WDR7: variants seen among roughly 807,000 people sequenced by gnomAD.
The protein encoded by WDR7 is WD repeat domain 7.
A neutral mutation model predicts 169.4 loss-of-function variants in WDR7; 46 were observed. The observed-to-expected ratio is 0.27, with a 90% CI of 0.21 to 0.35. WDR7 has a LOEUF of 0.35. Ranked by LOEUF, WDR7 falls within the 10% of genes least tolerant of loss-of-function variation. The pLI, the probability that WDR7 is intolerant of heterozygous loss-of-function variation, is 1.00. For missense variants in WDR7, 1,534 were observed against 1,859.3 expected (o/e 0.83, Z 3.22); for synonymous variants, 612 against 666.8 (o/e 0.92, Z 1.27).
At chr18:56,927,073 A>C (rs2046818500) in intron 22 of WDR7, among the ~76,000 whole-genome samples, 1 of 152,052 alleles carries the variant, frequency 6.6e-6, no homozygotes, top group South Asian at 2.1e-4. Context: ...TTAAAATTTC[A>C]GTTCACGTTT....
In WDR7 at chr18:56,982,754, G is replaced by A. The variant is rs530219494; in HGVS notation, c.4164+20225G>A. Among the ~76,000 whole-genome samples, 4 of 152,288 alleles carry A rather than the reference G, an allele frequency of 2.6e-5. No homozygotes were observed. The East Asian group carries it at 7.7e-4, about 29-fold the overall frequency. ...TAATCTGCTAGCATTATGTCCATAG[G>A]AGTACATTCTAAATTATTCTTAACT... On this transcript the variant is annotated intron_variant, in intron 26 of 27. Coordinates refer to ENST00000254442, the MANE Select transcript of WDR7 (RefSeq NM_015285.3).
intron 1 of WDR7, among the ~76,000 whole-genome samples, chr18:56,670,415 C>T (rs1446698838): frequency 1.3e-5 from 2 of 152,150 alleles, no homozygotes; most frequent in Non-Finnish European, 2.9e-5. Context: ...CGCCAACTAG[C>T]TAGAGAAATG....
chr18:56,893,180 T>C (rs1440406295), intron 21 of WDR7, among the ~76,000 whole-genome samples: 1 of 151,768 alleles, frequency 6.6e-6, no homozygotes, highest in Non-Finnish European at 1.5e-5. Context: ...CGGGTCACAT[T>C]GTTTGCTGGT....
At chr18:56,969,445 T>G (rs1261595816) in intron 26 of WDR7, among the ~76,000 whole-genome samples, 1 of 152,214 alleles carries the variant, frequency 6.6e-6, no homozygotes, top group Non-Finnish European at 1.5e-5. Flanking sequence ...CCTATACTCC[T>G]TTCCCAGGTT....
chr18:56,673,223 C>T (rs780222925), intron 2 of WDR7, among the ~76,000 whole-genome samples: 1 of 151,986 alleles, frequency 6.6e-6, no homozygotes, highest in Non-Finnish European at 1.5e-5. Flanking sequence ...CATAACACCA[C>T]AGCGTTTATC....
rs1361262702 is a variant in WDR7 at position 56,681,402 on chromosome 18, AT to A, written c.345+14del. On this transcript the variant is annotated intron_variant, in intron 4 of 27. Coordinates refer to ENST00000254442, the MANE Select transcript of WDR7 (RefSeq NM_015285.3). ...CATACTGGCATACAGGTTAGTTTCT[AT>A]TTCTGTGACTCTAAGTACAAACTAT... 2 of 1,542,046 alleles carry A rather than the reference AT, an allele frequency of 1.3e-6. No individual in the cohort carries two copies. Among genetic ancestry groups the A allele is most frequent in the Non-Finnish European group, 8.7e-7 (1 of 1,145,470 alleles).
chr18:56,815,471 G>T (rs971487855), intron 19 of WDR7, among the ~76,000 whole-genome samples: 1 of 152,178 alleles, frequency 6.6e-6, no homozygotes, highest in Non-Finnish European at 1.5e-5. Flanking sequence ...TTCTTTGCCT[G>T]TCTGCTTTCA....
intron 19 of WDR7, among the ~76,000 whole-genome samples, chr18:56,800,462 A>G (rs1213360194): frequency 1.3e-5 from 2 of 152,050 alleles, no homozygotes; most frequent in Non-Finnish European, 2.9e-5. Context: ...CTTTCTTTAT[A>G]TCTTATATAT....
intron 7 of WDR7, among the ~76,000 whole-genome samples, chr18:56,690,882 G>A (rs1050160580): frequency 6.6e-6 from 1 of 152,048 alleles, no homozygotes; most frequent in African/African-American, 2.4e-5. Flanking sequence ...TATATTTGAG[G>A]TTGATTCCCT....
chr18:57,016,725 A>G (rs1328575015), intron 26 of WDR7, among the ~76,000 whole-genome samples: 1 of 152,190 alleles, frequency 6.6e-6, no homozygotes, highest in African/African-American at 2.4e-5. Context: ...TACATTAAGT[A>G]TTGTTCATTA....
chr18:56,853,594 G>C (rs1472878473), intron 20 of WDR7, among the ~76,000 whole-genome samples: 1 of 152,080 alleles, frequency 6.6e-6, no homozygotes, highest in African/African-American at 2.4e-5. Context: ...CCCAAACCAA[G>C]AACTAGAATA....
chr18:56,806,023 A>G (rs575322203), intron 19 of WDR7, among the ~76,000 whole-genome samples: 1 of 152,238 alleles, frequency 6.6e-6, no homozygotes, highest in Non-Finnish European at 1.5e-5. Flanking sequence ...ATTCTTATAC[A>G]TATTTCAAGA....
Position 56,951,509 on chromosome 18 carries a change from T to G in WDR7, c.4065-10921T>G, listed in dbSNP as rs1182717728. ...TCTAAGGTTATCTTACAGTTTCTTC[T>G]CAGCAACCCTAAGCATTTGTGTTTA... On this transcript the variant is annotated intron_variant, in intron 25 of 27. Transcript: ENST00000254442. Among the ~76,000 whole-genome samples the G allele has an allele frequency of 4.6e-5, 7 of 152,212 alleles. No homozygotes were observed. In the East Asian group the frequency reaches 1.3e-3, roughly 29 times the overall value.
chr18:57,001,047 AAGAGAGAGAG>A (rs10536689), intron 26 of WDR7, among the ~76,000 whole-genome samples: 4,252 of 129,308 alleles, frequency 0.033, 139 homozygotes, highest in African/African-American at 0.1. Flanking sequence ...ATCTCTACAA[AAGAGAGAGAG>A]AGAGAGAGAG....
intron 26 of WDR7, among the ~76,000 whole-genome samples, chr18:56,997,240 G>T (rs1241673649): frequency 1.3e-5 from 2 of 152,158 alleles, no homozygotes; most frequent in African/African-American, 4.8e-5. Context: ...TTTCAACTAT[G>T]ATTTGATCAA....
At chr18:57,008,153 G>C (rs17684074) in intron 26 of WDR7, among the ~76,000 whole-genome samples, 32,376 of 151,768 alleles carry the variant, frequency 0.21, 3,782 homozygotes, top group Middle Eastern at 0.31. Flanking sequence ...GTCTTCTTTC[G>C]TTTGTGCCTT....
chr18:56,721,063 A>G (rs1261512419), intron 13 of WDR7, among the ~76,000 whole-genome samples: 3 of 152,008 alleles, frequency 2.0e-5, no homozygotes, highest in Non-Finnish European at 2.9e-5. Context: ...TAAATAAAAA[A>G]TGAAGCTAGA....
intron 9 of WDR7, 24 bp from the exon 10 acceptor site, chr18:56,694,595 A>G: frequency 6.3e-7 from 1 of 1,596,394 alleles, no homozygotes; most frequent in Non-Finnish European, 8.6e-7. Context: ...ACAGCTAAAG[A>G]TATTCAAATA....
rs537104811 is a variant in WDR7 at position 56,673,410 on chromosome 18, A to G, written c.159+736A>G. 1.1e-4 allele frequency among the ~76,000 whole-genome samples: 16 copies of G among 152,312 alleles called. No individual in the cohort carries two copies. In the South Asian group the frequency reaches 3.3e-3, roughly 32 times the overall value. On this transcript the variant is annotated intron_variant, in intron 2 of 27. Transcript: ENST00000254442. ...AGCCTTATTGAGATATAATTCACATACTACATAATTAATCTGTTTCAAATG... is the reference window on the plus strand; with the variant it reads ...AGCCTTATTGAGATATAATTCACATGCTACATAATTAATCTGTTTCAAATG...
Sources: allele counts gnomAD v4.1 joint callset (sites outside exome capture counted in the v4.1 genomes callset), GRCh38; gene constraint gnomAD v4.1.1; transcripts MANE v1.5; gene names NCBI Gene and HGNC (gene_info 2026-07-23, HGNC 2026-07-21).